The following PPP4R3A variants were observed in gnomAD, a reference collection of about 807,000 sequenced individuals.
The protein encoded by PPP4R3A is protein phosphatase 4 regulatory subunit 3A.
PPP4R3A carries 15 observed loss-of-function variants against 91.7 expected under a neutral mutation model. The ratio of observed to expected loss-of-function variants is 0.16; its 90% CI spans 0.11 to 0.25. PPP4R3A has a LOEUF of 0.25. Among genes scored for constraint, PPP4R3A ranks in the 10% least tolerant of loss-of-function variants. PPP4R3A has a pLI of 1.00. For synonymous variants in PPP4R3A, 377 were observed against 348.7 expected, an observed-to-expected ratio of 1.08 and a Z score of -0.91; for missense variants, 623 against 998.4, an observed-to-expected ratio of 0.62 and a Z score of 5.07.
intron 1 of PPP4R3A, among the ~76,000 whole-genome samples, chr14:91,491,095 C>T (rs577745997): frequency 2.0e-5 from 3 of 151,594 alleles, no homozygotes; most frequent in East Asian, 2.0e-4. Flanking sequence ...TTAGTAGAGA[C>T]GGGGTTTCAC....
intron 10 of PPP4R3A, 87 bp downstream of exon 10, chr14:91,470,750 A>G (rs188017066): frequency 2.1e-6 from 3 of 1,454,174 alleles, no homozygotes; most frequent in Admixed American, 2.1e-5. Context: ...CCTGACCTGT[A>G]ATCAGTGGTC....
chr14:91,493,897 T>A (rs1223339703), intron 1 of PPP4R3A, among the ~76,000 whole-genome samples: 1 of 150,284 alleles, frequency 6.7e-6, no homozygotes, highest in East Asian at 1.9e-4. Context: ...CTCAGCCTCC[T>A]GAGTAGCTGG....
chr14:91,507,415 A>AATAGTATATATAC (rs1891407106), intron 1 of PPP4R3A, among the ~76,000 whole-genome samples: 2 of 101,482 alleles, frequency 2.0e-5, no homozygotes, highest in African/African-American at 7.0e-5. Context: ...TATATATACT[A>AATAGTATATATAC]TATAATATAT....
chr14:91,501,055 C>CA (rs779710682), intron 1 of PPP4R3A, among the ~76,000 whole-genome samples: 3 of 151,996 alleles, frequency 2.0e-5, no homozygotes, highest in Non-Finnish European at 4.4e-5. Flanking sequence ...CAAAAAAACC[C>CA]AAAAAACACC....
At position 91,499,002 on chromosome 14, in the gene PPP4R3A, GTCTTGATC is replaced by G. The variant is rs377490316; in HGVS notation, c.143-8208_143-8201del. 3.9e-4 allele frequency among the ~76,000 whole-genome samples: 59 copies of G among 151,602 alleles called. 2 individuals are homozygous for G. The East Asian group carries it at 0.011, about 27-fold the overall frequency. On this transcript the variant is annotated intron_variant, in intron 1 of 14. Transcript: ENST00000554943. ...GGGTTTCACCATGTTGGCCAGGATG[GTCTTGATC>G]TCTTGATCTCATGATCTGCCCCCGC...
intron 10 of PPP4R3A, chr14:91,466,505 G>C: frequency 2.2e-6 from 2 of 891,622 alleles, no homozygotes; most frequent in African/African-American, 3.6e-5. Flanking sequence ...ATTAGGTACA[G>C]TTGATTATTA....
intron 1 of PPP4R3A, among the ~76,000 whole-genome samples, chr14:91,508,130 T>C (rs755351625): frequency 1.3e-5 from 2 of 152,210 alleles, no homozygotes; most frequent in African/African-American, 4.8e-5. Context: ...ACACTTGACA[T>C]TCAAATTGTA....
At chr14:91,502,264 A>G (rs930418673) in intron 1 of PPP4R3A, among the ~76,000 whole-genome samples, 1 of 152,036 alleles carries the variant, frequency 6.6e-6, no homozygotes, top group South Asian at 2.1e-4. Context: ...CCCTGAAAAA[A>G]TTTAAAAATA....
chr14:91,485,621 T>TA lies in PPP4R3A; in HGVS notation c.297+10dup, dbSNP rs767555730. ...AAGAAAGCATGTTGATTTTTTTATT[T>TA]AAAAAATTACCTGACATATTTTCTC... On this transcript the variant is annotated intron_variant, in intron 3 of 14. Coordinates refer to ENST00000554943, the MANE Select transcript of PPP4R3A (RefSeq NM_001366432.2). 8 of 1,582,684 alleles carry TA rather than the reference T, an allele frequency of 5.1e-6. No individual in the cohort carries two copies. In the African/African-American group the frequency reaches 9.4e-5, roughly 19 times the overall value.
chr14:91,508,393 G>A (rs1465142223), intron 1 of PPP4R3A, among the ~76,000 whole-genome samples: 1 of 152,152 alleles, frequency 6.6e-6, no homozygotes, highest in Non-Finnish European at 1.5e-5. Flanking sequence ...TCCAATTGAA[G>A]AAAATTCCTT....
Position 91,485,716 on chromosome 14 carries a change from C to G in PPP4R3A, c.213G>C (p.Val71=), listed in dbSNP as rs774203074. 9 of 1,605,874 alleles carry G rather than the reference C, an allele frequency of 5.6e-6. No homozygotes were observed. The highest frequency in any genetic ancestry group is 7.6e-6 in the Non-Finnish European group (9 of 1,179,556). ...AGTCATAATTTTCTGCTTCAGACCACACAATCAGAGTGTCCTTTGGAGACA... is the reference window on the plus strand; with the variant it reads ...AGTCATAATTTTCTGCTTCAGACCAGACAATCAGAGTGTCCTTTGGAGACA... ...AYQKQQDTLI[V]WSEAENYDLA... Residue 71 remains valine (V), a synonymous_variant, in exon 3 of 15, where the codon GTG becomes GTC. Coordinates refer to ENST00000554943, the MANE Select transcript of PPP4R3A (RefSeq NM_001366432.2).
intron 6 of PPP4R3A, 89 bp from the exon 7 acceptor site, chr14:91,476,055 A>G (rs1889185983): frequency 7.7e-7 from 1 of 1,290,534 alleles, no homozygotes; most frequent in South Asian, 1.8e-5. Context: ...AAAACATATG[A>G]AAAAACTTCA....
intron 1 of PPP4R3A, among the ~76,000 whole-genome samples, chr14:91,507,373 T>TATATATATATAG (rs1566660160): frequency 2.7e-5 from 2 of 73,672 alleles, no homozygotes; most frequent in African/African-American, 1.4e-4. Context: ...TATACTATAA[T>TATATATATATAG]TATATATACT....
At chr14:91,504,930 T>G (rs536095632) in intron 1 of PPP4R3A, among the ~76,000 whole-genome samples, 1 of 152,300 alleles carries the variant, frequency 6.6e-6, no homozygotes, top group African/African-American at 2.4e-5. Flanking sequence ...TTATTATAGC[T>G]TCCCCGTCCA....
intron 10 of PPP4R3A, among the ~76,000 whole-genome samples, chr14:91,467,000 A>C (rs919171104): frequency 6.6e-6 from 1 of 150,780 alleles, no homozygotes; most frequent in Non-Finnish European, 1.5e-5. Context: ...GGTGAGTGAA[A>C]AACTCCTTTC....
In PPP4R3A at chr14:91,476,396, C is replaced by T. The variant is rs1889208316; in HGVS notation, c.1110+12G>A. ...AAAATGGTAATTAAAAATGAGGAGACACAAAACTTACAAGGATGACTTCTA... is the reference window on the plus strand; with the variant it reads ...AAAATGGTAATTAAAAATGAGGAGATACAAAACTTACAAGGATGACTTCTA... On this transcript the variant is annotated intron_variant, in intron 6 of 14. Transcript: ENST00000554943. 1.9e-6 allele frequency: 3 copies of T among 1,543,774 alleles called. No homozygotes were observed. Among genetic ancestry groups the T allele is most frequent in the Non-Finnish European group, 2.6e-6 (3 of 1,133,236 alleles).
intron 10 of PPP4R3A, 70 bp from the exon 11 acceptor site, chr14:91,465,489 A>G: frequency 7.2e-7 from 1 of 1,390,570 alleles, no homozygotes; most frequent in East Asian, 2.5e-5. Flanking sequence ...CCAAACAAAA[A>G]TAACCATCAA....
At chr14:91,498,336 G>GA (rs753267667) in intron 1 of PPP4R3A, among the ~76,000 whole-genome samples, 150 of 137,582 alleles carry the variant, frequency 1.1e-3, no homozygotes, top group Middle Eastern at 3.7e-3. Flanking sequence ...CTGTCTCAAA[G>GA]AAAAAAAAAA....
intron 11 of PPP4R3A, among the ~76,000 whole-genome samples, chr14:91,463,317 G>A (rs1005239995): frequency 5.9e-5 from 9 of 151,930 alleles, no homozygotes; most frequent in Non-Finnish European, 1.0e-4. Context: ...TGCCTGCCTC[G>A]GCCTCCCAAA....
Sources: allele counts gnomAD v4.1 joint callset (sites outside exome capture counted in the v4.1 genomes callset), GRCh38; gene constraint gnomAD v4.1.1; transcripts MANE v1.5; gene names NCBI Gene and HGNC (gene_info 2026-07-23, HGNC 2026-07-21).